Variants in SUMF1 observed in about 807,000 individuals in gnomAD.
SUMF1 encodes formylglycine-generating enzyme.
Under a neutral mutation model 47.6 loss-of-function variants are expected in SUMF1, and 48 were observed. The ratio of observed to expected loss-of-function variants is 1.01; its 90% confidence interval spans 0.80 to 1.28. SUMF1 has a LOEUF of 1.28. SUMF1 is among the 50% of genes most tolerant of loss of function. SUMF1 has a pLI of 0.00. For synonymous variants in SUMF1, 230 were observed against 192.1 expected (o/e 1.20, Z -1.63); for missense variants, 571 against 485.4 (o/e 1.18, Z -1.66).
At chr3:4,368,494 C>T (rs1047895099) in intron 8 of SUMF1, among the ~76,000 whole-genome samples, 3 of 152,022 alleles carry the variant, frequency 2.0e-5, no homozygotes, top group Non-Finnish European at 4.4e-5. Flanking sequence ...TGGGTATATA[C>T]CCAAAGGACT....
intron 8 of SUMF1, among the ~76,000 whole-genome samples, chr3:4,354,015 C>T (rs1053289438): frequency 4.6e-5 from 7 of 152,030 alleles, no homozygotes; most frequent in African/African-American, 1.7e-4. Context: ...CTACCATGCC[C>T]AGCTAATTTT....
intron 8 of SUMF1, among the ~76,000 whole-genome samples, chr3:4,166,451 G>C (rs1694708122): frequency 1.3e-5 from 2 of 152,096 alleles, no homozygotes; most frequent in African/African-American, 4.8e-5. Flanking sequence ...ATTCCAGATA[G>C]TCCCCAGCAA....
intron 8 of SUMF1, among the ~76,000 whole-genome samples, chr3:4,205,924 C>T (rs1341897184): frequency 6.6e-6 from 1 of 152,064 alleles, no homozygotes; most frequent in Non-Finnish European, 1.5e-5. Context: ...TTAACTACTG[C>T]CTGGCTACCA....
chr3:4,443,621 C>T (rs1702680870), intron 3 of SUMF1, among the ~76,000 whole-genome samples: 1 of 151,956 alleles, frequency 6.6e-6, no homozygotes, highest in African/African-American at 2.4e-5. Flanking sequence ...AACAATTAGC[C>T]AGGTGTGGTG....
At chr3:4,407,224 G>T (rs1701405329) in intron 7 of SUMF1, among the ~76,000 whole-genome samples, 1 of 152,032 alleles carries the variant, frequency 6.6e-6, no homozygotes, top group African/African-American at 2.4e-5. Context: ...ATAAATGACT[G>T]CCCAATAAAA....
Position 4,343,497 on chromosome 3 carries a change from C to T in SUMF1, c.1014+32833G>A, listed in dbSNP as rs371020311. Among the ~76,000 whole-genome samples, 76 of 152,194 alleles carry T rather than the reference C, an allele frequency of 5.0e-4. 2 individuals carry two copies. In the South Asian group the frequency reaches 0.016, roughly 32 times the overall value. ...TCTACAGTTGGACCAATTAGCATAC[C>T]CCAGGGTTGTATTTCAGCCACAGAA... On this transcript the variant is annotated intron_variant and NMD_transcript_variant, in intron 8 of 12. Coordinates refer to the SUMF1 transcript ENST00000448413.
chr3:4,438,038 T>C (rs529652111), intron 3 of SUMF1, among the ~76,000 whole-genome samples: 44 of 151,966 alleles, frequency 2.9e-4, no homozygotes, highest in Non-Finnish European at 5.4e-4. Flanking sequence ...ACCTATATAG[T>C]AGATACCAGA....
rs567568903 is a variant in SUMF1, at chr3:4,392,086, C to T, written c.955-15697G>A. Among the ~76,000 whole-genome samples, 11 of 152,218 alleles carry T rather than the reference C, an allele frequency of 7.2e-5. No individual in the cohort carries two copies. The East Asian group carries it at 1.5e-3, about 21-fold the overall frequency. ...CAAGCGATCCACTCGCCTCAGCCTC[C>T]CAAAGTGCTAGGATTATAGGTGTGA... On this transcript the variant is annotated intron_variant, in intron 7 of 8. Transcript: ENST00000272902.
At chr3:4,075,080 A>T (rs1382872976) in intron 8 of SUMF1, among the ~76,000 whole-genome samples, 1 of 152,144 alleles carries the variant, frequency 6.6e-6, no homozygotes, top group Non-Finnish European at 1.5e-5. Flanking sequence ...GATGAACATC[A>T]ATGTGAAAAT....
intron 8 of SUMF1, among the ~76,000 whole-genome samples, chr3:4,260,885 AG>A (rs2125023234): frequency 6.6e-6 from 1 of 152,316 alleles, no homozygotes; most frequent in South Asian, 2.1e-4. Context: ...AGCCACCTCT[AG>A]AAGCTAGAAA....
intron 8 of SUMF1, among the ~76,000 whole-genome samples, chr3:4,330,623 G>A (rs770674237): frequency 6.6e-6 from 1 of 152,214 alleles, no homozygotes; most frequent in Non-Finnish European, 1.5e-5. Flanking sequence ...AATTCAAGGT[G>A]AGATTTGGGT....
At chr3:4,412,861 G>A (rs955747708) in intron 6 of SUMF1, among the ~76,000 whole-genome samples, 2 of 152,116 alleles carry the variant, frequency 1.3e-5, no homozygotes, top group Non-Finnish European at 2.9e-5. Context: ...TGCACTCCAG[G>A]CTGGGTGACA....
chr3:4,164,781 C>T (rs554681527), intron 8 of SUMF1, among the ~76,000 whole-genome samples: 16 of 152,130 alleles, frequency 1.1e-4, no homozygotes, highest in African/African-American at 3.9e-4. Flanking sequence ...GCTTTTGGAA[C>T]TTTCTCCTGA....
chr3:4,424,782 A>AG, intron 3 of SUMF1, among the ~76,000 whole-genome samples: 1 of 152,242 alleles, frequency 6.6e-6, no homozygotes. Context: ...TAGTATCATC[A>AG]GGAAAAAAAT....
chr3:4,284,281 A>C (rs989990157), intron 8 of SUMF1, among the ~76,000 whole-genome samples: 2 of 151,844 alleles, frequency 1.3e-5, no homozygotes, highest in Non-Finnish European at 2.9e-5. Context: ...GCATGGTGGC[A>C]CGTGCCAGTA....
At chr3:4,305,793 G>GA (rs1698167624) in intron 8 of SUMF1, among the ~76,000 whole-genome samples, 1 of 152,092 alleles carries the variant, frequency 6.6e-6, no homozygotes. Flanking sequence ...GGCAAGATAA[G>GA]AAAAAATCAG....
chr3:4,209,004 G>T (rs917505867), intron 8 of SUMF1, among the ~76,000 whole-genome samples: 2 of 152,030 alleles, frequency 1.3e-5, no homozygotes, highest in Non-Finnish European at 2.9e-5. Context: ...TCATTAAAAT[G>T]AGTTGGGTAG....
chr3:4,256,979 C>T (rs1349191579), intron 8 of SUMF1, among the ~76,000 whole-genome samples: 3 of 108,644 alleles, frequency 2.8e-5, no homozygotes, highest in Admixed American at 9.2e-5. Flanking sequence ...TAAATGTAAT[C>T]CAGCATATAA....
intron 1 of SUMF1, among the ~76,000 whole-genome samples, chr3:4,455,293 A>G (rs1440589183): frequency 6.6e-6 from 1 of 152,256 alleles, no homozygotes; most frequent in African/African-American, 2.4e-5. Flanking sequence ...AAACAATTAT[A>G]TATCTACAAA....
Sources: allele counts gnomAD v4.1 joint callset (sites outside exome capture counted in the v4.1 genomes callset), GRCh38; gene constraint gnomAD v4.1.1; transcripts MANE v1.5; gene names NCBI Gene and HGNC (gene_info 2026-07-23, HGNC 2026-07-21).